ZNF80: variants seen among roughly 807,000 people sequenced by gnomAD.
ZNF80 encodes the protein ZNFPT17.
For missense variants in ZNF80, 394 were observed against 334.1 expected (o/e 1.18, Z -1.40); for synonymous variants, 132 against 119.4 (o/e 1.11, Z -0.69).
chr3:114,236,380 AG>A lies in ZNF80; in HGVS notation c.694del (p.Leu232SerfsTer46), dbSNP rs79523560. 2.3e-3 allele frequency: 3,715 copies of A among 1,612,930 alleles called. 86 individuals carry two copies. The African/African-American group carries it at 0.043, about 18-fold the overall frequency. On this transcript the variant is annotated frameshift_variant and NMD_transcript_variant, in exon 1 of 2. Transcript: ENST00000308095. Reference sequence around the variant, plus strand: ...AGTGTGACTCCTTGTATGTCGAGTGAGGGAATAGCTGTAGTAAAAACCTTTC... The same window carrying A: ...AGTGTGACTCCTTGTATGTCGAGTGAGGAATAGCTGTAGTAAAAACCTTTC...
At position 114,236,621 on chromosome 3, in the gene ZNF80, G is replaced by A. The variant is rs868491475; in HGVS notation, c.454C>T (p.Arg152Cys). 6.2e-7 allele frequency: 1 copy of A among 1,614,084 alleles called. No homozygotes were observed. The highest frequency in any genetic ancestry group is 8.5e-7 in the Non-Finnish European group (1 of 1,180,026). ...FSYHSVFIQH[R>C]VTHTGEKLFG... ...AGTTTTTCTCCAGTGTGGGTCACAC[G>A]ATGCTGGATGAAGACAGAGTGATAG... The change falls in exon 1 of 1, where the codon CGT (arginine) becomes TGT (cysteine). Residue 152 changes from arginine to cysteine, a missense_variant. By Grantham distance (180) the Arg-to-Cys change is radical. Transcript: ENST00000482457.
exon 1 of ZNF80, chr3:114,236,339 CAT>C: frequency 6.2e-7 from 1 of 1,614,058 alleles, no homozygotes; most frequent in Non-Finnish European, 8.5e-7. Flanking sequence ...TCAAGGCACT[CAT>C]AAGGTTTCTC....
Position 114,236,628 on chromosome 3 carries a change from G to A in ZNF80, c.447C>T (p.Ile149=). The change falls in exon 1 of 1, where the codon ATC becomes ATT. Residue 149 remains isoleucine, a synonymous_variant. Coordinates refer to ENST00000482457, the MANE Select transcript of ZNF80 (RefSeq NM_007136.4). ...CTCCAGTGTGGGTCACACGATGCTG[G>A]ATGAAGACAGAGTGATAGCTGAAGG... ...GKTFSYHSVF[I]QHRVTHTGEK... 1 of 1,614,170 alleles carries A rather than the reference G, an allele frequency of 6.2e-7. No homozygotes were observed. Among genetic ancestry groups the A allele is most frequent in the Non-Finnish European group, 8.5e-7 (1 of 1,180,032 alleles).
Position 114,237,126 on chromosome 3 carries a change from T to A in ZNF80, c.-52A>T. The A allele has an allele frequency of 2.7e-6, 4 of 1,493,430 alleles. No homozygotes were observed. The highest frequency in any genetic ancestry group is 3.6e-6 in the Non-Finnish European group (4 of 1,101,622). The allele number at this position is 1,493,430 out of a possible 1,614,324, so 92.5% of individuals were successfully genotyped here. On this transcript the variant is annotated 5_prime_UTR_variant, in exon 1 of 1. It adds an upstream start codon to the 5' untranslated region. Coordinates refer to ENST00000482457, the MANE Select transcript of ZNF80 (RefSeq NM_007136.4). ...AGACTGCAGCCAAACTCAAGTGCCCTTCTGCATTTCCAACTGTGTCCGGAA... is the reference window on the plus strand; with the variant it reads ...AGACTGCAGCCAAACTCAAGTGCCCATCTGCATTTCCAACTGTGTCCGGAA...
rs111785883 is a variant in ZNF80, at chr3:114,236,805, G to C, written c.270C>G (p.Val90=). Reference sequence around the variant, plus strand: ...GAATCCTCATGGGTCGAACGAAGTCGACCTTTTCAGGAAAGGCTTTTCCAC... The same window carrying C: ...GAATCCTCATGGGTCGAACGAAGTCCACCTTTTCAGGAAAGGCTTTTCCAC... The part of the protein sequence containing the change: ...QECGKAFPEK[V]DFVRPMRIHT... The change falls in exon 1 of 1, where the codon GTC becomes GTG. Residue 90 remains valine, a synonymous_variant. Transcript: ENST00000482457. 1.6e-4 allele frequency: 256 copies of C among 1,614,014 alleles called. No homozygotes were observed. In the African/African-American group the frequency reaches 2.8e-3, roughly 18 times the overall value.
rs1345342717 is a variant in ZNF80, at chr3:114,236,924, A to G, written c.151T>C (p.Cys51Arg). Residue 51 changes from cysteine (C) to arginine (R), a missense_variant, in exon 1 of 1, where the codon TGC (cysteine) becomes CGC (arginine). Cys to Arg is a radical substitution (Grantham distance 180). Coordinates refer to ENST00000482457, the MANE Select transcript of ZNF80 (RefSeq NM_007136.4). Reference sequence around the variant, plus strand: ...TTAAACACGCTCCCACATTCCTTGCATTTGTAGGTCTTCCCCTCACGAACC... The same window carrying G: ...TTAAACACGCTCCCACATTCCTTGCGTTTGTAGGTCTTCCCCTCACGAACC... ...TLVREGKTYK[C>R]KECGSVFNKN... is the part of the protein sequence containing the mutation. The G allele has an allele frequency of 1.9e-6, 3 of 1,614,028 alleles. No homozygotes were observed. The East Asian group carries it at 6.7e-5, about 36-fold the overall frequency.
chr3:114,235,583 A>T lies in ZNF80; in HGVS notation c.*670T>A, dbSNP rs2078197901. On this transcript the variant is annotated 3_prime_UTR_variant, in exon 1 of 1. Coordinates refer to ENST00000482457, the MANE Select transcript of ZNF80 (RefSeq NM_007136.4). Reference sequence around the variant, plus strand: ...GTTCATATTTCTCACAAAGACTTACATTCCTCAGGAGTACAATGTTTTAGA... The same window carrying T: ...GTTCATATTTCTCACAAAGACTTACTTTCCTCAGGAGTACAATGTTTTAGA... 6.6e-6 allele frequency: 1 copy of T among 152,242 alleles called. No homozygotes were observed. The highest frequency in any genetic ancestry group is 2.1e-4 in the South Asian group (1 of 4,828). The allele number at this position is 152,242 out of a possible 1,614,324, so 9.4% of individuals were successfully genotyped here.
rs747792956 is a variant in ZNF80 at position 114,237,094 on chromosome 3, G to T, written c.-20C>A. ...GCTCATCTTCCTCCAGAAGGTCTCC[G>T]TGTGGGAGACTGCAGCCAAACTCAA... On this transcript the variant is annotated 5_prime_UTR_variant, in exon 1 of 1. Coordinates refer to ENST00000482457, the MANE Select transcript of ZNF80 (RefSeq NM_007136.4). The T allele has an allele frequency of 6.4e-7, 1 of 1,561,696 alleles. No individual in the cohort carries two copies. Among genetic ancestry groups the T allele is most frequent in the Non-Finnish European group, 8.7e-7 (1 of 1,155,584 alleles).
rs1231455366 is a variant in ZNF80, at chr3:114,237,176, C to T, written c.-102G>A. 16 of 1,068,768 alleles carry T rather than the reference C, an allele frequency of 1.5e-5. No homozygotes were observed. In the Admixed American group the frequency reaches 3.4e-4, roughly 22 times the overall value. 66.2% of individuals were successfully genotyped at this position (1,068,768 alleles called of 1,614,324 possible). The stretch of plus-strand genomic sequence containing the variant: ...ATTGGTGGGTTCTTGGTCTCACTGA[C>T]TTCAAGAATGAAGCCGCGGACCCTT... On this transcript the variant is annotated 5_prime_UTR_variant, in exon 1 of 1. Coordinates refer to ENST00000482457, the MANE Select transcript of ZNF80 (RefSeq NM_007136.4).
chr3:114,236,130 A>T lies in ZNF80; in HGVS notation c.*123T>A. The T allele has an allele frequency of 1.4e-6, 1 of 698,764 alleles. No homozygotes were observed. The highest frequency in any genetic ancestry group is 2.7e-5 in the Admixed American group (1 of 36,764). 43.3% of individuals were successfully genotyped at this position (698,764 alleles called of 1,614,324 possible). On this transcript the variant is annotated 3_prime_UTR_variant, in exon 1 of 1. Coordinates refer to ENST00000482457, the MANE Select transcript of ZNF80 (RefSeq NM_007136.4). ...AGGAATTCTTCAATGCCAAGTGAGG[A>T]TGAGCTGCAGGTCACAGCTTTCCTA...
rs577016155 is a variant in ZNF80, at chr3:114,236,545, G to C, written c.530C>G (p.Thr177Ser). The change falls in exon 1 of 1, where the codon ACC (threonine) becomes AGC (serine). Residue 177 changes from threonine to serine, a missense_variant. Transcript: ENST00000482457. ...GKTFYYNSSL[T>S]RHMKIHTGEK... ...TCCAGTGTGAATCTTCATGTGCCGG[G>C]TTAAGGAAGAGTTGTAGTAAAAGGT... 6.2e-7 allele frequency: 1 copy of C among 1,613,666 alleles called. No individual in the cohort carries two copies. Among genetic ancestry groups the C allele is most frequent in the Non-Finnish European group, 8.5e-7 (1 of 1,179,906 alleles).
At position 114,236,553 on chromosome 3, in the gene ZNF80, A is replaced by G. The variant is rs773028373; in HGVS notation, c.522T>C (p.Ser174=). ...GAATCTTCATGTGCCGGGTTAAGGA[A>G]GAGTTGTAGTAAAAGGTTTTTCCAC... ...KECGKTFYYN[S]SLTRHMKIHT... is the part of the protein sequence containing the mutation. Residue 174 remains serine, a synonymous_variant, in exon 1 of 1, where the codon TCT becomes TCC. Coordinates refer to ENST00000482457, the MANE Select transcript of ZNF80 (RefSeq NM_007136.4). The G allele has an allele frequency of 3.7e-6, 6 of 1,613,612 alleles. No individual in the cohort carries two copies. The highest frequency in any genetic ancestry group is 3.3e-5 in the Admixed American group (2 of 59,958).
rs1424384040 is a variant in ZNF80 at position 114,235,161 on chromosome 3, A to G, written c.*1092T>C. 6.6e-6 allele frequency: 1 copy of G among 152,218 alleles called. No homozygotes were observed. Among genetic ancestry groups the G allele is most frequent in the Non-Finnish European group, 1.5e-5 (1 of 68,034 alleles). The allele number at this position is 152,218 out of a possible 1,614,324, so 9.4% of individuals were successfully genotyped here. ...TTTTCTGAGTTTCTCATTAGATTAG[A>G]TAAGCTGTGTTTTGTTTTGTTTGTC... On this transcript the variant is annotated 3_prime_UTR_variant, in exon 1 of 1. Coordinates refer to ENST00000482457, the MANE Select transcript of ZNF80 (RefSeq NM_007136.4).
rs201453019 is a variant in ZNF80, at chr3:114,236,913, A to G, written c.162T>C (p.Cys54=). ...REGKTYKCKE[C]GSVFNKNSLL... ...GGCTGTTTTTGTTAAACACGCTCCC[A>G]CATTCCTTGCATTTGTAGGTCTTCC... The change falls in exon 1 of 1, where the codon TGT becomes TGC. Residue 54 remains cysteine, a synonymous_variant. Coordinates refer to ENST00000482457, the MANE Select transcript of ZNF80 (RefSeq NM_007136.4). 16 of 1,614,106 alleles carry G rather than the reference A, an allele frequency of 9.9e-6. No homozygotes were observed. Among genetic ancestry groups the G allele is most frequent in the Admixed American group, 1.7e-5 (1 of 60,006 alleles).
rs2107922994 is a variant in ZNF80, at chr3:114,234,701, T to G, written c.*1552A>C. On this transcript the variant is annotated 3_prime_UTR_variant, in exon 1 of 1. Transcript: ENST00000482457. ...TTGCAAAAACAATAAATGCTTTTTA[T>G]TTTTCAAACATAAACAATACTTAAG... 1 of 152,350 alleles carries G rather than the reference T, an allele frequency of 6.6e-6. No homozygotes were observed. Among genetic ancestry groups the G allele is most frequent in the South Asian group, 2.1e-4 (1 of 4,830 alleles). 9.4% of individuals were successfully genotyped at this position (152,350 alleles called of 1,614,324 possible).
rs748414246 is a variant in ZNF80, at chr3:114,236,272, G to A, written c.803C>T (p.Ser268Phe). The part of the protein sequence containing the change: ...SAFAQQSKIH[S>F]GGKNL ...TTGCACTCAAAGGTTTTTTCCTCCA[G>A]AGTGGATCTTACTCTGTTGGGCAAA... Residue 268 changes from serine (S) to phenylalanine (F), a missense_variant, in exon 1 of 1, where the codon TCT (serine) becomes TTT (phenylalanine). Ser to Phe is a radical substitution (Grantham distance 155, BLOSUM62 -2). Transcript: ENST00000482457. The A allele has an allele frequency of 1.3e-6, 2 of 1,590,142 alleles. No individual in the cohort carries two copies. The highest frequency in any genetic ancestry group is 1.7e-6 in the Non-Finnish European group (2 of 1,169,226).
Position 114,237,133 on chromosome 3 carries a change from T to A in ZNF80, c.-59A>T. 1 of 1,468,466 alleles carries A rather than the reference T, an allele frequency of 6.8e-7. No individual in the cohort carries two copies. The highest frequency in any genetic ancestry group is 9.3e-7 in the Non-Finnish European group (1 of 1,079,336). 91.0% of individuals were successfully genotyped at this position (1,468,466 alleles called of 1,614,324 possible). On this transcript the variant is annotated 5_prime_UTR_variant, in exon 1 of 1. An upstream start codon of the reference 5' UTR is lost. Transcript: ENST00000482457. ...AGCCAAACTCAAGTGCCCTTCTGCATTTCCAACTGTGTCCGGAATTGGTGG... is the reference window on the plus strand; with the variant it reads ...AGCCAAACTCAAGTGCCCTTCTGCAATTCCAACTGTGTCCGGAATTGGTGG...
At chr3:114,236,259 GT>G in exon 1 of ZNF80, 1 of 1,566,610 alleles carries the variant, frequency 6.4e-7, no homozygotes, top group Middle Eastern at 1.7e-4. Context: ...GCACTCAAAG[GT>G]TTTTTCCTCC....
Position 114,236,955 on chromosome 3 carries a change from G to C in ZNF80, c.120C>G (p.Asp40Glu). The C allele has an allele frequency of 3.1e-6, 5 of 1,614,208 alleles. No homozygotes were observed. Among genetic ancestry groups the C allele is most frequent in the Non-Finnish European group, 4.2e-6 (5 of 1,180,028 alleles). The change falls in exon 1 of 1, where the codon GAC becomes GAG. Residue 40 changes from aspartate (D) to glutamate (E), a missense_variant. Asp to Glu is a conservative substitution (Grantham distance 45). Coordinates refer to ENST00000482457, the MANE Select transcript of ZNF80 (RefSeq NM_007136.4). ...AGGTCTTCCCCTCACGAACCAAAGT[G>C]TCTTTACTTGGTCCCTGGGAGTCAC... ...HECDSQGPSK[D>E]TLVREGKTYK...
Sources: allele counts gnomAD v4.1 joint callset, GRCh38; gene constraint gnomAD v4.1.1; transcripts MANE v1.5; gene names NCBI Gene and HGNC (gene_info 2026-07-23, HGNC 2026-07-21).